Variants in FANCM observed in about 807,000 individuals in gnomAD.
The protein encoded by FANCM is Fanconi anemia group M protein.
In FANCM, 140 loss-of-function variants were observed where a neutral mutation model predicts 199.5. The observed-to-expected ratio is 0.70, with a 90% CI of 0.61 to 0.81. The LOEUF (loss-of-function observed/expected upper bound fraction) is 0.81. Ranked by LOEUF, FANCM falls within the 30% of genes least tolerant of loss-of-function variation. The pLI is 0.00. For synonymous variants in FANCM, 840 were observed against 836.8 expected (o/e 1.00, Z -0.07); for missense variants, 2,410 against 2,421.4 (o/e 1.00, Z 0.10).
At chr14:45,146,760 G>A (rs1262043040) in intron 3 of FANCM, among the ~76,000 whole-genome samples, 2 of 149,902 alleles carry the variant, frequency 1.3e-5, no homozygotes, top group Non-Finnish European at 3.0e-5. Flanking sequence ...GTGAACCTGG[G>A]AGGCGGAGCT....
chr14:45,189,676 G>A (rs925002938), intron 20 of FANCM, among the ~76,000 whole-genome samples: 10 of 152,150 alleles, frequency 6.6e-5, no homozygotes, highest in African/African-American at 1.9e-4. Context: ...TGTGTTCAGA[G>A]TTAGTTCCCT....
intron 11 of FANCM, among the ~76,000 whole-genome samples, chr14:45,169,873 A>C (rs1339890644): frequency 3.9e-5 from 6 of 152,156 alleles, no homozygotes; most frequent in African/African-American, 1.4e-4. Flanking sequence ...TTTTAAAGCA[A>C]CAAGTCTGTT....
At chr14:45,136,621 C>A in intron 1 of FANCM, 82 bp downstream of exon 1, 1 of 1,300,294 alleles carries the variant, frequency 7.7e-7, no homozygotes, top group Non-Finnish European at 1.1e-6. Context: ...ACAACATGTG[C>A]ATCTTACGCC....
In FANCM at chr14:45,147,582, C is replaced by T. The variant is rs143593703; in HGVS notation, c.760-1255C>T. ...ACACCCTTAGGCGTGAGCTGCTGCC[C>T]GGCCTAAACCCACAAGGCTTTCTAT... On this transcript the variant is annotated intron_variant, in intron 3 of 22. Transcript: ENST00000267430. 2.0e-3 allele frequency among the ~76,000 whole-genome samples: 310 copies of T among 152,152 alleles called. 1 individual carries two copies. The highest frequency in any genetic ancestry group is 6.8e-3 in the Middle Eastern group (2 of 294).
chr14:45,167,036 T>A lies in FANCM; in HGVS notation c.1875T>A (p.Ser625Arg). 3 of 1,611,870 alleles carry A rather than the reference T, an allele frequency of 1.9e-6. No homozygotes were observed. The highest frequency in any genetic ancestry group is 2.5e-6 in the Non-Finnish European group (3 of 1,177,964). ...AGGTCCTTCATTTTTACCAAAGAAG[T>A]CCACGAATGGTTCCTGATGGAATCA... Reference protein sequence around the residue: ...NRQVLHFYQRSPRMVPDGINP... With the variant: ...NRQVLHFYQRRPRMVPDGINP... The change falls in exon 11 of 23, where the codon AGT becomes AGA. Residue 625 changes from serine to arginine, a missense_variant. Transcript: ENST00000267430.
Position 45,185,316 on chromosome 14 carries a change from G to A in FANCM, c.4615G>A (p.Asp1539Asn), listed in dbSNP as rs1455075300. 2 of 1,595,952 alleles carry A rather than the reference G, an allele frequency of 1.3e-6. No individual in the cohort carries two copies. The highest frequency in any genetic ancestry group is 4.5e-5 in the East Asian group (2 of 44,606). ...DENDESENEQDSSLLDFLNDE... is the reference protein window; with the variant it reads ...DENDESENEQNSSLLDFLNDE... Reference sequence around the variant, plus strand: ...AAATGATGAGTCAGAAAATGAACAAGATTCCTCATTACTTGACTTTTTAAA... The same window carrying A: ...AAATGATGAGTCAGAAAATGAACAAAATTCCTCATTACTTGACTTTTTAAA... Residue 1539 changes from aspartate (D) to asparagine (N), a missense_variant, in exon 18 of 23, where the codon GAT becomes AAT. Transcript: ENST00000267430.
chr14:45,195,953 C>T (rs540179554), intron 20 of FANCM, among the ~76,000 whole-genome samples: 1 of 152,192 alleles, frequency 6.6e-6, no homozygotes, highest in African/African-American at 2.4e-5. Flanking sequence ...TATTTCTTTA[C>T]ATCCTTTTGT....
chr14:45,199,300 T>G (rs1890236200), intron 22 of FANCM, among the ~76,000 whole-genome samples: 1 of 152,142 alleles, frequency 6.6e-6, no homozygotes, highest in African/African-American at 2.4e-5. Flanking sequence ...AAGAGGGAGA[T>G]TTTAGAATGT....
chr14:45,196,994 G>C (rs1182546854), intron 21 of FANCM, among the ~76,000 whole-genome samples: 1 of 152,138 alleles, frequency 6.6e-6, no homozygotes, highest in African/African-American at 2.4e-5. Context: ...CAGATATAAG[G>C]GACAAGGGAA....
chr14:45,195,325 A>G lies in FANCM; in HGVS notation c.5341-847A>G, dbSNP rs145275585. ...TTGTGTATTCTGGCTACAAGCCTAC[A>G]TGAGGGCTGGAGGGCCAGTATGTAG... is the stretch of plus-strand genomic sequence containing the variant. On this transcript the variant is annotated intron_variant, in intron 20 of 22. Transcript: ENST00000267430. Among the ~76,000 whole-genome samples, 112 of 152,338 alleles carry G rather than the reference A, an allele frequency of 7.4e-4. No individual in the cohort carries two copies. The East Asian group carries it at 0.02, about 27-fold the overall frequency.
chr14:45,148,927 AG>A lies in FANCM; in HGVS notation c.851del (p.Arg284LysfsTer32). On this transcript the variant is annotated frameshift_variant, in exon 4 of 23. Transcript: ENST00000267430. LOFTEE classifies it high-confidence loss of function. ...AGATATTTTGACATATTCTCATGAA[AG>A]AAAAGTTGAAAAGCTTATTGTTCCG... ...SPDILTYSHE[R>X]KVEKLIVPLG... is the part of the protein sequence containing the mutation. 1 of 1,613,852 alleles carries A rather than the reference AG, an allele frequency of 6.2e-7. No individual in the cohort carries two copies. The highest frequency in any genetic ancestry group is 1.7e-4 in the Middle Eastern group (1 of 6,050).
chr14:45,170,121 G>C (rs963990143), intron 11 of FANCM, among the ~76,000 whole-genome samples: 1 of 152,230 alleles, frequency 6.6e-6, no homozygotes, highest in African/African-American at 2.4e-5. Context: ...AGCCAGGACT[G>C]AGAGCCAAGG....
Position 45,183,810 on chromosome 14 carries a change from C to T in FANCM, c.4423C>T (p.Pro1475Ser), listed in dbSNP as rs922295425. The T allele has an allele frequency of 1.9e-6, 3 of 1,609,274 alleles. No individual in the cohort carries two copies. Among genetic ancestry groups the T allele is most frequent in the Non-Finnish European group, 2.6e-6 (3 of 1,176,030 alleles). Residue 1475 changes from proline (P) to serine (S), a missense_variant, in exon 17 of 23, where the codon CCC (proline) becomes TCC (serine). Transcript: ENST00000267430. ...LSSSDESENFPKPCSQLEDFK... is the reference protein window; with the variant it reads ...LSSSDESENFSKPCSQLEDFK... ...ATCTAGTGATGAGAGTGAGAATTTT[C>T]CCAAACCATGTTCACAATTAGAAGA...
intron 9 of FANCM, 125 bp downstream of exon 9, chr14:45,159,405 A>T (rs1887427240): frequency 1.5e-6 from 1 of 655,596 alleles, no homozygotes; most frequent in Admixed American, 3.0e-5. Flanking sequence ...GTAAACGTGT[A>T]GGTAAAAATA....
At chr14:45,196,775 A>G (rs1351674980) in intron 21 of FANCM, among the ~76,000 whole-genome samples, 2 of 152,316 alleles carry the variant, frequency 1.3e-5, no homozygotes, top group Admixed American at 1.3e-4. Flanking sequence ...TCTGCCAAAC[A>G]TAAGACTTTT....
rs924227208 is a variant in FANCM at position 45,183,873 on chromosome 14, A to G, written c.4486A>G (p.Lys1496Glu). The change falls in exon 17 of 23, where the codon AAA becomes GAA. Residue 1496 changes from lysine (K) to glutamate (E), a missense_variant. Transcript: ENST00000267430. The stretch of plus-strand genomic sequence containing the variant: ...TAACGGGAATGCCAGAAGAGGCATC[A>G]AAGTCCCAAAGAGACAGAGTCACTT... ...VCNGNARRGI[K>E]VPKRQSHLKH... is the part of the protein sequence containing the mutation. 3 of 1,611,700 alleles carry G rather than the reference A, an allele frequency of 1.9e-6. No homozygotes were observed. The highest frequency in any genetic ancestry group is 2.5e-6 in the Non-Finnish European group (3 of 1,178,134).
At chr14:45,162,149 GC>G (rs1199294817) in intron 9 of FANCM, among the ~76,000 whole-genome samples, 1 of 152,196 alleles carries the variant, frequency 6.6e-6, no homozygotes, top group Admixed American at 6.5e-5. Context: ...ACTTTGGGAG[GC>G]CAAGGCAGGT....
Position 45,189,008 on chromosome 14 carries a change from G to T in FANCM, c.4986G>T (p.Lys1662Asn), listed in dbSNP as rs151273573. 44 of 1,613,884 alleles carry T rather than the reference G, an allele frequency of 2.7e-5. No homozygotes were observed. In the African/African-American group the frequency reaches 4.8e-4, roughly 18 times the overall value. ...MMEQNCAHSK[K>N]KLSRIILPDD... ...AACAAAATTGTGCACATTCAAAAAA[G>T]AAATTATCCAGAATTATTTTACCAG... Residue 1662 changes from lysine to asparagine, a missense_variant, in exon 20 of 23, where the codon AAG becomes AAT. Physicochemically the swap from Lys to Asn is moderately conservative, Grantham distance 94. Transcript: ENST00000267430.
rs2139185867 is a variant in FANCM, at chr14:45,159,080, T to TA, written c.1397-16_1397-15insA. 1 of 1,440,686 alleles carries TA rather than the reference T, an allele frequency of 6.9e-7. No individual in the cohort carries two copies. Among genetic ancestry groups the TA allele is most frequent in the Non-Finnish European group, 9.5e-7 (1 of 1,058,116 alleles). 89.2% of individuals were successfully genotyped at this position (1,440,686 alleles called of 1,614,324 possible). ...TTGTAAAAAGTTGTAATTAAAGTTT[T>TA]TATATATATATATAGCTGAAAACAC... On this transcript the variant is annotated splice_polypyrimidine_tract_variant and intron_variant, in intron 8 of 22. Transcript: ENST00000267430.
Sources: gnomAD v4.1 joint callset for allele counts (sites outside exome capture counted in the v4.1 genomes callset) on GRCh38, gnomAD v4.1.1 for gene constraint, MANE v1.5 for transcripts, NCBI Gene and HGNC (gene_info 2026-07-23, HGNC 2026-07-21) for gene names.